LRMDA: variants seen among roughly 807,000 people sequenced by gnomAD.
LRMDA encodes leucine-rich melanocyte differentiation-associated protein.
LRMDA carries 18 observed loss-of-function variants against 29.8 expected under a neutral mutation model. The ratio of observed to expected loss-of-function variants is 0.60; its 90% CI spans 0.42 to 0.90. LRMDA has a LOEUF of 0.90. Among genes scored for constraint, LRMDA ranks in the 40% least tolerant of loss-of-function variants. The pLI is 0.00. For synonymous variants in LRMDA, 125 were observed against 109.4 expected, an observed-to-expected ratio of 1.14 and a Z score of -0.89; for missense variants, 273 against 273.9, an observed-to-expected ratio of 1.00 and a Z score of 0.02.
chr10:75,638,821 G>GT (rs1193945049), intron 2 of LRMDA, among the ~76,000 whole-genome samples: 11 of 152,172 alleles, frequency 7.2e-5, no homozygotes, highest in Non-Finnish European at 1.2e-4. Flanking sequence ...GTTTAGTTGT[G>GT]TTTTTTCCCC....
intron 6 of LRMDA, among the ~76,000 whole-genome samples, chr10:76,390,641 C>A (rs1359296715): frequency 6.6e-6 from 1 of 152,106 alleles, no homozygotes; most frequent in Admixed American, 6.5e-5. Context: ...CCCTTCATTG[C>A]CCCTCCCATC....
intron 2 of LRMDA, among the ~76,000 whole-genome samples, chr10:75,775,925 C>A (rs1175421573): frequency 6.6e-6 from 1 of 152,080 alleles, no homozygotes; most frequent in Non-Finnish European, 1.5e-5. Flanking sequence ...GTAGAGAGCA[C>A]ACTCCTCTGT....
At chr10:76,119,431 GC>G (rs1341916889) in intron 5 of LRMDA, among the ~76,000 whole-genome samples, 2 of 151,926 alleles carry the variant, frequency 1.3e-5, no homozygotes, top group Non-Finnish European at 2.9e-5. Context: ...AACTGCAGGG[GC>G]TTTTTATTAC....
At chr10:75,540,821 G>T (rs1589175078) in intron 2 of LRMDA, among the ~76,000 whole-genome samples, 2 of 152,280 alleles carry the variant, frequency 1.3e-5, no homozygotes, top group Middle Eastern at 6.8e-3. Flanking sequence ...CAGTAAATAT[G>T]TAATGTGTTT....
intron 5 of LRMDA, among the ~76,000 whole-genome samples, chr10:76,254,571 T>G (rs1188118172): frequency 1.3e-5 from 2 of 152,142 alleles, no homozygotes; most frequent in African/African-American, 4.8e-5. Context: ...CCACCAATCT[T>G]TTTATTTTTT....
At chr10:75,930,118 T>C (rs945067562) in intron 2 of LRMDA, among the ~76,000 whole-genome samples, 2 of 152,210 alleles carry the variant, frequency 1.3e-5, no homozygotes, top group Admixed American at 1.3e-4. Context: ...TGCGAATAGA[T>C]TTATGCTCTG....
At chr10:76,177,941 C>T (rs1351976841) in intron 5 of LRMDA, among the ~76,000 whole-genome samples, 1 of 152,154 alleles carries the variant, frequency 6.6e-6, no homozygotes, top group East Asian at 1.9e-4. Flanking sequence ...TTTATAGAGC[C>T]CCCAGATTGG....
At chr10:76,537,700 C>T (rs1407064205) in intron 6 of LRMDA, among the ~76,000 whole-genome samples, 1 of 151,998 alleles carries the variant, frequency 6.6e-6, no homozygotes, top group Non-Finnish European at 1.5e-5. Context: ...AGATTGAGCC[C>T]ACCCAGATAG....
chr10:75,453,541 A>ACT (rs1844482908), intron 2 of LRMDA, among the ~76,000 whole-genome samples: 1 of 152,070 alleles, frequency 6.6e-6, no homozygotes, highest in African/African-American at 2.4e-5. Context: ...TTTCCCGAAG[A>ACT]CTTTTCTATT....
chr10:76,175,739 AG>A (rs1371928985), intron 5 of LRMDA, among the ~76,000 whole-genome samples: 2 of 152,186 alleles, frequency 1.3e-5, no homozygotes, highest in African/African-American at 2.4e-5. Flanking sequence ...TTGGCGGGCA[AG>A]GGCAGGGCAG....
intron 5 of LRMDA, among the ~76,000 whole-genome samples, chr10:76,323,337 T>C (rs1017686065): frequency 6.6e-6 from 1 of 152,180 alleles, no homozygotes; most frequent in African/African-American, 2.4e-5. Flanking sequence ...GGTAATCTCT[T>C]TGGAGAAAAG....
chr10:76,289,596 G>T (rs528884707), intron 5 of LRMDA, among the ~76,000 whole-genome samples: 1 of 152,236 alleles, frequency 6.6e-6, no homozygotes, highest in East Asian at 1.9e-4. Context: ...GCGATATTTG[G>T]ATAGATCCTG....
intron 6 of LRMDA, among the ~76,000 whole-genome samples, chr10:76,516,348 TTTATTA>T (rs142275974): frequency 6.6e-6 from 1 of 151,698 alleles, no homozygotes; most frequent in Non-Finnish European, 1.5e-5. Context: ...TTAAAATTAT[TTTATTA>T]TTATTATACT....
chr10:76,365,103 T>TAC (rs1452052012), intron 6 of LRMDA, among the ~76,000 whole-genome samples: 5 of 22,710 alleles, frequency 2.2e-4, no homozygotes, highest in African/African-American at 9.9e-4. Flanking sequence ...TATATATATA[T>TAC]ATATACACAC....
intron 6 of LRMDA, among the ~76,000 whole-genome samples, chr10:76,348,038 A>G (rs1207276192): frequency 1.3e-5 from 2 of 152,170 alleles, no homozygotes; most frequent in East Asian, 3.9e-4. Flanking sequence ...TGGTGCTAGG[A>G]TAGAGCAGGA....
intron 2 of LRMDA, among the ~76,000 whole-genome samples, chr10:75,639,851 G>C (rs1246935492): frequency 6.6e-6 from 1 of 152,244 alleles, no homozygotes; most frequent in Non-Finnish European, 1.5e-5. Context: ...TGCGCTCGGA[G>C]AGCGGACATT....
intron 2 of LRMDA, among the ~76,000 whole-genome samples, chr10:75,953,757 C>T (rs1266428078): frequency 6.6e-6 from 1 of 152,110 alleles, no homozygotes; most frequent in Admixed American, 6.5e-5. Flanking sequence ...CTATAGTTCA[C>T]AGGAGGGCTG....
chr10:76,461,066 A>C (rs1842507351), intron 6 of LRMDA, among the ~76,000 whole-genome samples: 1 of 152,144 alleles, frequency 6.6e-6, no homozygotes, highest in African/African-American at 2.4e-5. Context: ...TTGTGCTTAA[A>C]ACACTTCTAA....
At chr10:76,166,761 A>G (rs753926080) in intron 5 of LRMDA, among the ~76,000 whole-genome samples, 1 of 152,134 alleles carries the variant, frequency 6.6e-6, no homozygotes, top group African/African-American at 2.4e-5. Flanking sequence ...GCTATTGTGA[A>G]TAGTGCTGCA....
Sources: allele counts gnomAD v4.1 joint callset (sites outside exome capture counted in the v4.1 genomes callset), GRCh38; gene constraint gnomAD v4.1.1; transcripts MANE v1.5; gene names NCBI Gene and HGNC (gene_info 2026-07-23, HGNC 2026-07-21).